CHCHD6: variants seen among roughly 807,000 people sequenced by gnomAD.
CHCHD6 encodes MICOS complex subunit MIC25.
In CHCHD6, 28 loss-of-function variants were observed where a neutral mutation model predicts 32.3. The observed-to-expected ratio is 0.87, with a 90% CI of 0.64 to 1.19. The LOEUF (loss-of-function observed/expected upper bound fraction) is 1.19. CHCHD6 is among the 50% of genes most tolerant of loss of function. The pLI is 0.00. For missense variants in CHCHD6, 333 were observed against 307.0 expected (o/e 1.08, Z -0.63); for synonymous variants, 122 against 117.5 (o/e 1.04, Z -0.25).
intron 4 of CHCHD6, among the ~76,000 whole-genome samples, chr3:126,839,690 C>G (rs905940791): frequency 6.6e-6 from 1 of 152,136 alleles, no homozygotes; most frequent in Non-Finnish European, 1.5e-5. Context: ...ATTACTGCAT[C>G]GGCTCTCTCA....
chr3:126,960,173 A>G, intron 7 of CHCHD6, 23 bp from the exon 8 acceptor site: 4 of 1,551,322 alleles, frequency 2.6e-6, no homozygotes, highest in Non-Finnish European at 2.6e-6. Context: ...CCCTGACTCA[A>G]CTCTGACCTG....
rs1236373273 is a variant in CHCHD6 at position 126,712,774 on chromosome 3, A to T, written c.87+8375A>T. ...TCATTCATGCACCCATGACTTCTGGATTCTAAATATCCAACCCAGAGCTTT... is the reference window on the plus strand; with the variant it reads ...TCATTCATGCACCCATGACTTCTGGTTTCTAAATATCCAACCCAGAGCTTT... On this transcript the variant is annotated intron_variant, in intron 1 of 7. Coordinates refer to ENST00000290913, the MANE Select transcript of CHCHD6 (RefSeq NM_032343.3). 1.1e-4 allele frequency among the ~76,000 whole-genome samples: 17 copies of T among 152,220 alleles called. No individual in the cohort carries two copies. The East Asian group carries it at 3.3e-3, about 29-fold the overall frequency.
chr3:126,769,587 T>C (rs1937508028), intron 4 of CHCHD6, among the ~76,000 whole-genome samples: 1 of 152,202 alleles, frequency 6.6e-6, no homozygotes, highest in Non-Finnish European at 1.5e-5. Flanking sequence ...CACTGCAACC[T>C]CTGCCTCCCA....
chr3:126,770,833 T>C (rs1175728619), intron 4 of CHCHD6, among the ~76,000 whole-genome samples: 2 of 152,246 alleles, frequency 1.3e-5, no homozygotes, highest in African/African-American at 4.8e-5. Context: ...AGGATGATGC[T>C]GGCCTCATTG....
At chr3:126,746,715 C>A (rs1309990322) in intron 4 of CHCHD6, among the ~76,000 whole-genome samples, 1 of 152,332 alleles carries the variant, frequency 6.6e-6, no homozygotes, top group Admixed American at 6.5e-5. Context: ...CGGGTGCTTT[C>A]GATAGCCTAT....
chr3:126,788,612 T>C (rs1938354628), intron 4 of CHCHD6, among the ~76,000 whole-genome samples: 1 of 152,230 alleles, frequency 6.6e-6, no homozygotes, highest in Non-Finnish European at 1.5e-5. Context: ...TTTATTTGTG[T>C]AGAAGTGTTT....
chr3:126,710,208 C>A (rs922716942), intron 1 of CHCHD6, among the ~76,000 whole-genome samples: 1 of 152,156 alleles, frequency 6.6e-6, no homozygotes, highest in Non-Finnish European at 1.5e-5. Flanking sequence ...ATTATTCTTT[C>A]CCCATTGAAT....
intron 5 of CHCHD6, among the ~76,000 whole-genome samples, chr3:126,889,918 T>C (rs1170819669): frequency 6.6e-6 from 1 of 152,242 alleles, no homozygotes; most frequent in East Asian, 1.9e-4. Flanking sequence ...TTGTGGTTTG[T>C]TGGTACCCTG....
intron 4 of CHCHD6, among the ~76,000 whole-genome samples, chr3:126,739,779 G>A (rs1448340925): frequency 6.6e-6 from 1 of 151,714 alleles, no homozygotes; most frequent in African/African-American, 2.4e-5. Context: ...TACATATGTT[G>A]CCCACCTGCA....
chr3:126,926,208 A>G (rs1270065625), intron 6 of CHCHD6, among the ~76,000 whole-genome samples: 1 of 152,246 alleles, frequency 6.6e-6, no homozygotes, highest in East Asian at 1.9e-4. Context: ...TGGGAGGCCC[A>G]GGGACAATAC....
intron 3 of CHCHD6, among the ~76,000 whole-genome samples, chr3:126,731,328 G>T (rs1935793982): frequency 6.6e-6 from 1 of 152,040 alleles, no homozygotes; most frequent in Admixed American, 6.6e-5. Context: ...CTCTGTCATG[G>T]GACCTGCTTC....
intron 4 of CHCHD6, among the ~76,000 whole-genome samples, chr3:126,820,474 A>G (rs1370476372): frequency 6.6e-6 from 1 of 152,156 alleles, no homozygotes; most frequent in East Asian, 1.9e-4. Flanking sequence ...GGAAGAATAC[A>G]GGACAGTGTT....
chr3:126,753,919 G>A (rs1936839714), intron 4 of CHCHD6, among the ~76,000 whole-genome samples: 1 of 152,206 alleles, frequency 6.6e-6, no homozygotes, highest in Non-Finnish European at 1.5e-5. Flanking sequence ...GGGTGGAGAG[G>A]AAAGGGATTG....
At chr3:126,743,831 T>C (rs954634564) in intron 4 of CHCHD6, among the ~76,000 whole-genome samples, 41 of 152,198 alleles carry the variant, frequency 2.7e-4, no homozygotes, top group African/African-American at 9.6e-4. Flanking sequence ...TCTGAGAGTT[T>C]TGGGGTTTCT....
chr3:126,959,857 C>T (rs2078834974), intron 7 of CHCHD6, among the ~76,000 whole-genome samples: 1 of 152,208 alleles, frequency 6.6e-6, no homozygotes, highest in African/African-American at 2.4e-5. Context: ...GGGTTAGACT[C>T]TTCTATATCC....
At chr3:126,813,406 A>G (rs2107532552) in intron 4 of CHCHD6, among the ~76,000 whole-genome samples, 1 of 152,356 alleles carries the variant, frequency 6.6e-6, no homozygotes, top group South Asian at 2.1e-4. Context: ...AAAATATGAG[A>G]TAAATGGTCA....
intron 4 of CHCHD6, among the ~76,000 whole-genome samples, chr3:126,830,297 A>G (rs1940585653): frequency 6.6e-6 from 1 of 152,046 alleles, no homozygotes; most frequent in Non-Finnish European, 1.5e-5. Flanking sequence ...CCCCACCTGG[A>G]TTGTGAAGAC....
chr3:126,957,051 G>C, intron 6 of CHCHD6: 1 of 305,800 alleles, frequency 3.3e-6, no homozygotes, highest in Non-Finnish European at 6.3e-6. Flanking sequence ...TGGGCACAGC[G>C]GGGCGGGTTG....
At chr3:126,768,722 G>A (rs539225822) in intron 4 of CHCHD6, among the ~76,000 whole-genome samples, 205 of 152,102 alleles carry the variant, frequency 1.3e-3, no homozygotes, top group African/African-American at 4.7e-3. Context: ...CCACAACCTC[G>A]CCAACATCTA....
Sources: gnomAD v4.1 joint callset for allele counts (sites outside exome capture counted in the v4.1 genomes callset) on GRCh38, gnomAD v4.1.1 for gene constraint, MANE v1.5 for transcripts, NCBI Gene and HGNC (gene_info 2026-07-23, HGNC 2026-07-21) for gene names.